The following CR1 variants were observed in gnomAD, a reference collection of about 807,000 sequenced individuals.
CR1 encodes complement receptor type 1.
Under a neutral mutation model 187.3 loss-of-function variants are expected in CR1, and 116 were observed. The observed-to-expected ratio is 0.62, with a 90% confidence interval of 0.53 to 0.72. The LOEUF (loss-of-function observed/expected upper bound fraction) is 0.72, where lower values mean the gene tolerates loss of function less well. CR1 is among the 30% of genes least tolerant of loss of function. The pLI is 0.00. For missense variants in CR1, 1,731 were observed against 2,110.7 expected (o/e 0.82, Z 3.52); for synonymous variants, 576 against 747.1 (o/e 0.77, Z 3.73).
At chr1:207,597,624 T>C (rs1407657332) in intron 35 of CR1, among the ~76,000 whole-genome samples, 1 of 152,172 alleles carries the variant, frequency 6.6e-6, no homozygotes, top group Non-Finnish European at 1.5e-5. Context: ...TGTGGAGAAA[T>C]TAGAACGCTT....
chr1:207,509,938 G>T (rs1302891162), intron 3 of CR1, among the ~76,000 whole-genome samples: 1 of 152,056 alleles, frequency 6.6e-6, no homozygotes, highest in African/African-American at 2.4e-5. Context: ...AATAAGGCCG[G>T]GTGTGCTGGC....
At chr1:207,526,307 G>T (rs1042296045) in intron 5 of CR1, among the ~76,000 whole-genome samples, 11 of 151,952 alleles carry the variant, frequency 7.2e-5, no homozygotes, top group African/African-American at 2.4e-4. Flanking sequence ...AGTGTGATAG[G>T]TGATGGAGGG....
chr1:207,599,895 C>T (rs1478781225), intron 35 of CR1, among the ~76,000 whole-genome samples: 2 of 152,066 alleles, frequency 1.3e-5, no homozygotes, highest in African/African-American at 2.4e-5. Flanking sequence ...TATACAATTA[C>T]GTTGTTAAAT....
intron 45 of CR1, among the ~76,000 whole-genome samples, chr1:207,629,455 G>A (rs1027886444): frequency 6.6e-6 from 1 of 151,874 alleles, no homozygotes; most frequent in Non-Finnish European, 1.5e-5. Context: ...TCCTTGGAAG[G>A]TCATACCACC....
chr1:207,616,507 G>C, intron 40 of CR1, 68 bp from the exon 41 acceptor site: 1 of 1,524,120 alleles, frequency 6.6e-7, no homozygotes, highest in South Asian at 1.2e-5. Context: ...CACAGTCACA[G>C]GTCACTATTG....
chr1:207,515,032 T>C (rs1041524780), intron 4 of CR1, among the ~76,000 whole-genome samples: 25 of 143,160 alleles, frequency 1.7e-4, no homozygotes, highest in East Asian at 6.0e-4. Flanking sequence ...CACACATATA[T>C]ACATATATAC....
intron 46 of CR1, among the ~76,000 whole-genome samples, chr1:207,632,267 G>A (rs1650915871): frequency 6.6e-6 from 1 of 152,060 alleles, no homozygotes; most frequent in African/African-American, 2.4e-5. Context: ...ATGTTTATCT[G>A]GCCTGATCCT....
chr1:207,575,804 G>C, intron 28 of CR1, 124 bp downstream of exon 28: 1 of 1,477,260 alleles, frequency 6.8e-7, no homozygotes, highest in Non-Finnish European at 9.4e-7. Flanking sequence ...GAAGAATCTA[G>C]TCATATCCTT....
chr1:207,603,019 A>T (rs187366246), intron 35 of CR1, among the ~76,000 whole-genome samples: 1 of 152,268 alleles, frequency 6.6e-6, no homozygotes, highest in Admixed American at 6.5e-5. Context: ...ATAATATTTT[A>T]TTTAAAAGAT....
chr1:207,578,098 G>T lies in CR1; in HGVS notation c.4831G>T (p.Val1611Phe). ...CAGAAGCTTATTTTCCTTAAATGAAGTTGTGGAGTTTAGGTGTCAGCCTGG... is the reference window on the plus strand; with the variant it reads ...CAGAAGCTTATTTTCCTTAAATGAATTTGTGGAGTTTAGGTGTCAGCCTGG... ...DNRSLFSLNE[V>F]VEFRCQPGFV... is the part of the protein sequence containing the mutation. The change falls in exon 29 of 47, where the codon GTT becomes TTT. Residue 1611 changes from valine (V) to phenylalanine (F), a missense_variant. Physicochemically the swap from Val to Phe is conservative, Grantham distance 50. Transcript: ENST00000367049. 5 of 1,611,804 alleles carry T rather than the reference G, an allele frequency of 3.1e-6. No individual in the cohort carries two copies. Among genetic ancestry groups the T allele is most frequent in the Non-Finnish European group, 4.2e-6 (5 of 1,179,702 alleles).
intron 4 of CR1, among the ~76,000 whole-genome samples, chr1:207,520,222 C>A (rs1179189942): frequency 6.6e-6 from 1 of 152,178 alleles, no homozygotes; most frequent in East Asian, 1.9e-4. Flanking sequence ...AATTTTGCAA[C>A]GTGGTCGAGC....
At position 207,635,877 on chromosome 1, in the gene CR1, A is replaced by C. The variant is rs551720627; in HGVS notation, c.7458-3520A>C. ...TTCAAGCATTTGTTTAACAAAGCACATCTGCACAGCCCTTAATCCATTTAA... is the reference window on the plus strand; with the variant it reads ...TTCAAGCATTTGTTTAACAAAGCACCTCTGCACAGCCCTTAATCCATTTAA... On this transcript the variant is annotated intron_variant, in intron 46 of 46. Transcript: ENST00000367049. Among the ~76,000 whole-genome samples, 18 of 152,344 alleles carry C rather than the reference A, an allele frequency of 1.2e-4. 1 individual carries two copies. The highest frequency in any genetic ancestry group is 3.8e-4 in the African/African-American group (16 of 41,584).
intron 1 of CR1, among the ~76,000 whole-genome samples, chr1:207,499,070 C>T (rs1356509490): frequency 6.6e-6 from 1 of 151,950 alleles, no homozygotes; most frequent in African/African-American, 2.4e-5. Context: ...TGAAACAGAT[C>T]ATCAGAGTGG....
intron 35 of CR1, among the ~76,000 whole-genome samples, chr1:207,593,015 C>A (rs1170737443): frequency 2.7e-5 from 4 of 145,996 alleles, no homozygotes; most frequent in Non-Finnish European, 5.9e-5. Flanking sequence ...AATGGCCATA[C>A]TGCCCAAGGT....
At chr1:207,514,263 A>C (rs1234984345) in intron 4 of CR1, among the ~76,000 whole-genome samples, 1 of 152,218 alleles carries the variant, frequency 6.6e-6, no homozygotes, top group Non-Finnish European at 1.5e-5. Context: ...TGTTTCTATT[A>C]AAATATAATT....
chr1:207,606,484 G>C (rs770296250), intron 35 of CR1: 1 of 152,196 alleles, frequency 6.6e-6, no homozygotes, highest in Non-Finnish European at 1.5e-5. Context: ...AAGAGGAAAA[G>C]TTCTTAACTG....
Position 207,584,790 on chromosome 1 carries a change from A to C in CR1, c.5444A>C (p.Glu1815Ala). The C allele has an allele frequency of 6.2e-7, 1 of 1,613,856 alleles. No individual in the cohort carries two copies. Among genetic ancestry groups the C allele is most frequent in the East Asian group, 2.2e-5 (1 of 44,882 alleles). ...GGGATGACCTTCAACCTCATTGGGG[A>C]GAGCACCATCCGCTGCACAAGTGAC... The part of the protein sequence containing the change: ...DRGMTFNLIG[E>A]STIRCTSDPH... The change falls in exon 33 of 47, where the codon GAG becomes GCG. Residue 1815 changes from glutamate (E) to alanine (A), a missense_variant. By Grantham distance (107) the Glu-to-Ala change is moderately radical. Transcript: ENST00000367049.
chr1:207,568,117 A>T, intron 25 of CR1, 75 bp downstream of exon 25: 1 of 1,609,504 alleles, frequency 6.2e-7, no homozygotes, highest in Non-Finnish European at 8.5e-7. Flanking sequence ...CCATAATTAC[A>T]GTGTAGTATT....
In CR1 at chr1:207,580,618, G is replaced by C. The variant is rs899415460; in HGVS notation, c.5216+5G>C. On this transcript the variant is annotated splice_donor_5th_base_variant and intron_variant, in intron 31 of 46. Coordinates refer to ENST00000367049, the MANE Select transcript of CR1 (RefSeq NM_000651.6). Reference sequence around the variant, plus strand: ...GTCCTTTGTCTGTGATGAAGGGTAAGTGTGACCCAGAATTCAGATCAGGGA... The same window carrying C: ...GTCCTTTGTCTGTGATGAAGGGTAACTGTGACCCAGAATTCAGATCAGGGA... The C allele has an allele frequency of 5.0e-6, 8 of 1,610,128 alleles. No homozygotes were observed. The highest frequency in any genetic ancestry group is 6.8e-6 in the Non-Finnish European group (8 of 1,177,440).
Sources: allele counts gnomAD v4.1 joint callset (sites outside exome capture counted in the v4.1 genomes callset), GRCh38; gene constraint gnomAD v4.1.1; transcripts MANE v1.5; gene names NCBI Gene and HGNC (gene_info 2026-07-23, HGNC 2026-07-21).